The following ZNF385D variants were observed in gnomAD, a reference collection of about 807,000 sequenced individuals.
ZNF385D encodes zinc finger protein 385D.
In ZNF385D, 15 loss-of-function variants were observed where a neutral mutation model predicts 35.8. That is an observed-to-expected ratio of 0.42 (90% confidence interval 0.28 to 0.64). ZNF385D has a LOEUF of 0.64. Ranked by LOEUF, ZNF385D falls within the 30% of genes least tolerant of loss-of-function variation. ZNF385D has a pLI of 0.23. For missense variants in ZNF385D, 474 were observed against 494.6 expected (o/e 0.96, Z 0.39); for synonymous variants, 212 against 186.8 (o/e 1.13, Z -1.10).
At chr3:22,310,544 G>C (rs1254258331) in intron 2 of ZNF385D, among the ~76,000 whole-genome samples, 1 of 151,886 alleles carries the variant, frequency 6.6e-6, no homozygotes, top group East Asian at 1.9e-4. Context: ...TTGCTGGTTA[G>C]TTGCTCAAGG....
chr3:21,489,891 G>C (rs571451620), intron 4 of ZNF385D, among the ~76,000 whole-genome samples: 5 of 152,184 alleles, frequency 3.3e-5, no homozygotes, highest in African/African-American at 1.2e-4. Context: ...ACCTCTTTCT[G>C]ACTTCCTTCT....
At chr3:21,867,281 A>T (rs1697421288) in intron 3 of ZNF385D, among the ~76,000 whole-genome samples, 1 of 152,102 alleles carries the variant, frequency 6.6e-6, no homozygotes, top group Non-Finnish European at 1.5e-5. Context: ...TCGTCTCCTG[A>T]CACTGTTGCA....
chr3:21,699,353 G>C (rs1016240006), intron 1 of ZNF385D, among the ~76,000 whole-genome samples: 1 of 152,096 alleles, frequency 6.6e-6, no homozygotes, highest in Admixed American at 6.5e-5. Flanking sequence ...TGAGGGGCTA[G>C]GGGAGGGATA....
chr3:22,336,882 G>T (rs569626507), intron 2 of ZNF385D, among the ~76,000 whole-genome samples: 26 of 75,644 alleles, frequency 3.4e-4, no homozygotes, highest in Non-Finnish European at 5.8e-4. Context: ...TGACATCCTT[G>T]AAACCACTAT....
In ZNF385D at chr3:21,555,422, G is replaced by A. The variant is rs150312255; in HGVS notation, c.276+9152C>T. ...GTGATGTTCCCTTCCCTGTGTCCAT[G>A]TGTTCTCATTGTTCAGCTCCCACTT... is the stretch of plus-strand genomic sequence containing the variant. On this transcript the variant is annotated intron_variant, in intron 3 of 7. Transcript: ENST00000281523. Among the ~76,000 whole-genome samples, 141 of 152,128 alleles carry A rather than the reference G, an allele frequency of 9.3e-4. No homozygotes were observed. In the East Asian group the frequency reaches 0.022, roughly 24 times the overall value.
intron 1 of ZNF385D, among the ~76,000 whole-genome samples, chr3:21,689,144 A>T (rs1296669175): frequency 5.9e-5 from 9 of 151,980 alleles, no homozygotes; most frequent in Admixed American, 1.3e-4. Flanking sequence ...AAAAAAAAAA[A>T]AAAAAAATAC....
chr3:22,078,359 A>T (rs1700574534), intron 3 of ZNF385D, among the ~76,000 whole-genome samples: 1 of 152,086 alleles, frequency 6.6e-6, no homozygotes, highest in African/African-American at 2.4e-5. Context: ...TGATCATAAC[A>T]GATAATGTTG....
At chr3:21,897,378 G>C (rs1035258885) in intron 3 of ZNF385D, among the ~76,000 whole-genome samples, 1 of 152,114 alleles carries the variant, frequency 6.6e-6, no homozygotes, top group Admixed American at 6.6e-5. Flanking sequence ...GATCCAATGT[G>C]CTTCTTCTGA....
At chr3:21,737,540 C>T (rs933805871) in intron 1 of ZNF385D, among the ~76,000 whole-genome samples, 1 of 152,004 alleles carries the variant, frequency 6.6e-6, no homozygotes, top group Non-Finnish European at 1.5e-5. Context: ...TACACACACT[C>T]CCTTCCATAG....
intron 2 of ZNF385D, among the ~76,000 whole-genome samples, chr3:22,269,506 T>C (rs1301274006): frequency 6.6e-6 from 1 of 151,998 alleles, no homozygotes; most frequent in East Asian, 1.9e-4. Flanking sequence ...TCCTGTCTGA[T>C]GACTTTGGCA....
chr3:22,013,356 C>G (rs1397035184), intron 3 of ZNF385D, among the ~76,000 whole-genome samples: 3 of 152,048 alleles, frequency 2.0e-5, no homozygotes, highest in Non-Finnish European at 4.4e-5. Context: ...GCAAGAATCC[C>G]TAAACATGAT....
chr3:22,155,086 T>A (rs375684607), intron 3 of ZNF385D, among the ~76,000 whole-genome samples: 1 of 152,172 alleles, frequency 6.6e-6, no homozygotes, highest in Non-Finnish European at 1.5e-5. Flanking sequence ...AATATTATTA[T>A]TGACAGAATT....
intron 3 of ZNF385D, among the ~76,000 whole-genome samples, chr3:22,097,416 G>A (rs1418604307): frequency 6.6e-6 from 1 of 151,892 alleles, no homozygotes; most frequent in Non-Finnish European, 1.5e-5. Context: ...TGGAGAAAGA[G>A]GTTATTGGCT....
chr3:21,940,490 A>G (rs1388703517), intron 3 of ZNF385D, among the ~76,000 whole-genome samples: 1 of 152,222 alleles, frequency 6.6e-6, no homozygotes, highest in Non-Finnish European at 1.5e-5. Context: ...GGGTATTATC[A>G]GTTCGTTCAA....
rs550758846 is a variant in ZNF385D, at chr3:22,220,937, C to T, written c.107-51902G>A. Among the ~76,000 whole-genome samples, 6 of 152,260 alleles carry T rather than the reference C, an allele frequency of 3.9e-5. No homozygotes were observed. In the South Asian group the frequency reaches 8.3e-4, roughly 21 times the overall value. On this transcript the variant is annotated intron_variant, in intron 2 of 5. Transcript: ENST00000494108. ...CTGAAAAATGCTTTTCTTTTTTAAA[C>T]TTTCCCTTGGAAAGAACTGATTCTC...
At chr3:21,974,079 G>A (rs1402094444) in intron 3 of ZNF385D, among the ~76,000 whole-genome samples, 3 of 151,768 alleles carry the variant, frequency 2.0e-5, no homozygotes, top group East Asian at 3.9e-4. Flanking sequence ...ATCCTAAAAT[G>A]TATATGGAAC....
chr3:21,690,482 G>T (rs1018744763), intron 1 of ZNF385D, among the ~76,000 whole-genome samples: 4 of 152,128 alleles, frequency 2.6e-5, no homozygotes, highest in African/African-American at 9.7e-5. Flanking sequence ...AGCATAAGCT[G>T]AGCCCCACCC....
At chr3:21,953,062 G>A (rs528081297) in intron 3 of ZNF385D, among the ~76,000 whole-genome samples, 6 of 151,956 alleles carry the variant, frequency 3.9e-5, no homozygotes, top group South Asian at 2.1e-4. Context: ...TATGTGCTTC[G>A]TTGGGTTACA....
intron 2 of ZNF385D, among the ~76,000 whole-genome samples, chr3:22,339,511 T>A (rs746922587): frequency 6.6e-6 from 1 of 152,200 alleles, no homozygotes; most frequent in African/African-American, 2.4e-5. Context: ...ATATGCAGTA[T>A]AGAAATTTGA....
Sources: gnomAD v4.1 joint callset for allele counts (sites outside exome capture counted in the v4.1 genomes callset) on GRCh38, gnomAD v4.1.1 for gene constraint, MANE v1.5 for transcripts, NCBI Gene and HGNC (gene_info 2026-07-23, HGNC 2026-07-21) for gene names.